Variants in NAV2 observed in about 807,000 individuals in gnomAD.
NAV2 encodes the protein neuron navigator 2, also known as helicase, APC down-regulated 1.
A neutral mutation model predicts 223.2 loss-of-function variants in NAV2; 54 were observed. That is an observed-to-expected ratio of 0.24 (90% CI 0.19 to 0.30). NAV2 has a LOEUF of 0.30. Among genes scored for constraint, NAV2 ranks in the 10% least tolerant of loss-of-function variants. The probability of loss-of-function intolerance (pLI) is 1.00; values close to 1 mark genes in which losing one functional copy is unlikely to be tolerated. For synonymous variants in NAV2, 1,279 were observed against 1,239.3 expected (o/e 1.03, Z -0.67); for missense variants, 2,806 against 3,147.5 (o/e 0.89, Z 2.60).
In NAV2 at chr11:19,934,307, G is replaced by C. The variant is rs780431312; in HGVS notation, c.2033+30G>C. ...GAGCTGCCACCCACCTGTGCTGCCTGGGACATTGGGTAAAAGTTCCTTTAT... is the reference window on the plus strand; with the variant it reads ...GAGCTGCCACCCACCTGTGCTGCCTCGGACATTGGGTAAAAGTTCCTTTAT... On this transcript the variant is annotated intron_variant, in intron 7 of 37. Transcript: ENST00000349880. The C allele has an allele frequency of 4.6e-6, 7 of 1,527,406 alleles. No homozygotes were observed. The East Asian group carries it at 1.6e-4, about 35-fold the overall frequency. The allele number at this position is 1,527,406 out of a possible 1,614,324, so 94.6% of individuals were successfully genotyped here. A position where few individuals can be genotyped will look rare whatever the true frequency, so the allele number is the denominator to read the frequency against.
chr11:19,932,065 G>A (rs567718008), intron 6 of NAV2, among the ~76,000 whole-genome samples: 1 of 152,104 alleles, frequency 6.6e-6, no homozygotes, highest in South Asian at 2.1e-4. Context: ...TTTGGAGCCT[G>A]CCCTCACTAG....
At chr11:19,625,823 A>C (rs1011687293) in intron 1 of NAV2, among the ~76,000 whole-genome samples, 2 of 151,756 alleles carry the variant, frequency 1.3e-5, no homozygotes, top group South Asian at 4.2e-4. Flanking sequence ...TTTTTTTCAT[A>C]TATTTCTTGG....
intron 11 of NAV2, among the ~76,000 whole-genome samples, chr11:20,002,198 C>T (rs1392025718): frequency 1.3e-5 from 2 of 152,158 alleles, no homozygotes; most frequent in Non-Finnish European, 2.9e-5. Context: ...CCAAAGACTC[C>T]ACCTCTAAAC....
chr11:19,487,886 A>T (rs1377291237), intron 1 of NAV2, among the ~76,000 whole-genome samples: 1 of 152,032 alleles, frequency 6.6e-6, no homozygotes. Flanking sequence ...ACCCAGTTGA[A>T]CTGTCTTTGG....
chr11:19,687,705 G>A (rs2049060389), intron 1 of NAV2, among the ~76,000 whole-genome samples: 1 of 152,218 alleles, frequency 6.6e-6, no homozygotes, highest in African/African-American at 2.4e-5. Context: ...TATGGCAAAT[G>A]GCTGCAGGTT....
intron 1 of NAV2, among the ~76,000 whole-genome samples, chr11:19,757,975 C>T (rs2054376970): frequency 6.6e-6 from 1 of 152,174 alleles, no homozygotes; most frequent in East Asian, 1.9e-4. Context: ...CATCATTGCC[C>T]AGTTATTGGA....
chr11:19,593,017 G>A (rs1188910288), intron 1 of NAV2, among the ~76,000 whole-genome samples: 1 of 152,062 alleles, frequency 6.6e-6, no homozygotes, highest in Non-Finnish European at 1.5e-5. Flanking sequence ...GTATTGTTCT[G>A]TGTCCTTTTC....
At chr11:19,642,779 C>A (rs1022789711) in intron 1 of NAV2, among the ~76,000 whole-genome samples, 1 of 152,112 alleles carries the variant, frequency 6.6e-6, no homozygotes, top group Non-Finnish European at 1.5e-5. Flanking sequence ...CAGCTGCAAA[C>A]AGTCAGGGGT....
chr11:19,957,476 T>G (rs900795761), intron 10 of NAV2, among the ~76,000 whole-genome samples: 62 of 152,134 alleles, frequency 4.1e-4, no homozygotes, highest in African/African-American at 1.3e-3. Context: ...CCTGCATGGT[T>G]GTGATGTTGT....
intron 26 of NAV2, among the ~76,000 whole-genome samples, chr11:20,086,492 G>T (rs537159901): frequency 6.6e-6 from 1 of 152,192 alleles, no homozygotes; most frequent in South Asian, 2.1e-4. Context: ...TGGTCCCTTT[G>T]CCCCTGCTTC....
chr11:20,079,219 T>C (rs984308463), intron 24 of NAV2, among the ~76,000 whole-genome samples: 1 of 152,164 alleles, frequency 6.6e-6, no homozygotes, highest in Admixed American at 6.5e-5. Flanking sequence ...TTTTGTATTT[T>C]TAGTAGAGAC....
intron 13 of NAV2, 116 bp downstream of exon 13, chr11:20,044,388 A>G: frequency 3.1e-6 from 3 of 973,366 alleles, no homozygotes; most frequent in Non-Finnish European, 4.4e-6. Flanking sequence ...TACTCTGCTA[A>G]CAACGAGCTT....
chr11:20,062,228 C>G, intron 19 of NAV2, 79 bp from the exon 20 acceptor site: 1 of 1,018,180 alleles, frequency 9.8e-7, no homozygotes, highest in East Asian at 2.4e-5. Context: ...TCCTGTATTG[C>G]TGATGTTCTC....
intron 2 of NAV2, among the ~76,000 whole-genome samples, chr11:19,837,013 A>G (rs2060274907): frequency 6.6e-6 from 1 of 152,194 alleles, no homozygotes; most frequent in African/African-American, 2.4e-5. Context: ...TCCAAACACC[A>G]TTACATTAGG....
chr11:19,710,964 T>C (rs932409455), upstream of NAV2: 15 of 152,168 alleles, frequency 9.9e-5, no homozygotes, highest in African/African-American at 3.1e-4. Context: ...TTCTCTAAGA[T>C]GAAAATGAAT....
At position 19,776,577 on chromosome 11, in the gene NAV2, GGTGTGT is replaced by G. The variant is rs71050684; in HGVS notation, c.268-55881_268-55876del. 1.2e-3 allele frequency among the ~76,000 whole-genome samples: 134 copies of G among 116,176 alleles called. 2 individuals carry two copies. The highest frequency in any genetic ancestry group is 3.9e-3 in the South Asian group (14 of 3,596). 76.2% of individuals were successfully genotyped at this position (116,176 alleles called of 152,430 possible). On this transcript the variant is annotated intron_variant, in intron 1 of 37. Transcript: ENST00000349880. Reference sequence around the variant, plus strand: ...AACGCAGCGTGTGGGCTGGGGCAGGGGTGTGTGTGTGTGTGTGTGTGTGTGTGTGTG... The same window carrying G: ...AACGCAGCGTGTGGGCTGGGGCAGGGGTGTGTGTGTGTGTGTGTGTGTGTG...
At chr11:20,069,888 G>T (rs1268611352) in intron 22 of NAV2, among the ~76,000 whole-genome samples, 1 of 152,102 alleles carries the variant, frequency 6.6e-6, no homozygotes, top group Non-Finnish European at 1.5e-5. Context: ...TTCTCTTTAA[G>T]GTCGGCATGT....
At chr11:19,696,529 T>C (rs2049346214) in intron 1 of NAV2, among the ~76,000 whole-genome samples, 1 of 152,226 alleles carries the variant, frequency 6.6e-6, no homozygotes, top group South Asian at 2.1e-4. Flanking sequence ...AAGGCAGAGC[T>C]TAGTTCAGCT....
intron 1 of NAV2, among the ~76,000 whole-genome samples, chr11:19,823,159 C>T (rs2059467168): frequency 1.3e-5 from 2 of 152,124 alleles, no homozygotes; most frequent in East Asian, 1.9e-4. Flanking sequence ...ATCCTCCTGC[C>T]TCAGCCTCTT....
Sources: allele counts gnomAD v4.1 joint callset (sites outside exome capture counted in the v4.1 genomes callset), GRCh38; gene constraint gnomAD v4.1.1; transcripts MANE v1.5; gene names NCBI Gene and HGNC (gene_info 2026-07-23, HGNC 2026-07-21).